The following LNPEP variants were observed in gnomAD, a reference collection of about 807,000 sequenced individuals.
LNPEP encodes the protein leucyl-cystinyl aminopeptidase.
In LNPEP, 64 loss-of-function variants were observed where a neutral mutation model predicts 120.6. The ratio of observed to expected loss-of-function variants is 0.53; its 90% confidence interval spans 0.43 to 0.65. The LOEUF (loss-of-function observed/expected upper bound fraction) is 0.65, where lower values mean the gene tolerates loss of function less well. Among genes scored for constraint, LNPEP ranks in the 30% least tolerant of loss-of-function variants. LNPEP has a pLI of 0.00. For missense variants in LNPEP, 1,057 were observed against 1,200.0 expected, an observed-to-expected ratio of 0.88 and a Z score of 1.76; for synonymous variants, 435 against 425.4, an observed-to-expected ratio of 1.02 and a Z score of -0.28.
intron 1 of LNPEP, among the ~76,000 whole-genome samples, chr5:96,966,173 A>G (rs1038043013): frequency 3.3e-5 from 5 of 152,012 alleles, no homozygotes; most frequent in African/African-American, 7.2e-5. Flanking sequence ...CTGCGATTAG[A>G]CTTCATAAAT....
Position 97,032,262 on chromosome 5 carries a change from G to A in LNPEP, c.*3729G>A, listed in dbSNP as rs1791484320. 1 of 152,052 alleles carries A rather than the reference G, an allele frequency of 6.6e-6. No homozygotes were observed. The highest frequency in any genetic ancestry group is 1.5e-5 in the Non-Finnish European group (1 of 67,996). The allele number at this position is 152,052 out of a possible 1,614,324, so 9.4% of individuals were successfully genotyped here. A position where few individuals can be genotyped will look rare whatever the true frequency, so the allele number is the denominator to read the frequency against. ...GCTTCCTTCCCCCTTCATCCCATTT[G>A]TATTTTTAAAAACTAAGTTATATAT... On this transcript the variant is annotated 3_prime_UTR_variant, in exon 18 of 18. Transcript: ENST00000231368.
chr5:96,941,848 A>C (rs1266222284), intron 1 of LNPEP, among the ~76,000 whole-genome samples: 1 of 152,222 alleles, frequency 6.6e-6, no homozygotes, highest in Non-Finnish European at 1.5e-5. Flanking sequence ...ATGAAGATGA[A>C]AGAAATGTGG....
chr5:96,940,465 C>T (rs1369067031), intron 1 of LNPEP, among the ~76,000 whole-genome samples: 4 of 150,146 alleles, frequency 2.7e-5, no homozygotes, highest in Admixed American at 2.0e-4. Flanking sequence ...CCCACAACCT[C>T]GTCATCAGAT....
At chr5:96,951,240 G>A (rs1789311898) in intron 1 of LNPEP, among the ~76,000 whole-genome samples, 3 of 141,884 alleles carry the variant, frequency 2.1e-5, no homozygotes, top group Non-Finnish European at 4.7e-5. Flanking sequence ...CACAATGGGG[G>A]TTAGTGCTTT....
intron 8 of LNPEP, among the ~76,000 whole-genome samples, chr5:97,002,053 C>T (rs1450462743): frequency 6.6e-6 from 1 of 152,098 alleles, no homozygotes; most frequent in Non-Finnish European, 1.5e-5. Context: ...GCAGGAGAAT[C>T]GCTTGAACCC....
intron 1 of LNPEP, among the ~76,000 whole-genome samples, chr5:96,974,373 C>T (rs1269840607): frequency 1.3e-5 from 2 of 152,282 alleles, no homozygotes; most frequent in Non-Finnish European, 2.9e-5. Flanking sequence ...GTCCTCCAGG[C>T]TTGGAGGGAG....
intron 1 of LNPEP, among the ~76,000 whole-genome samples, chr5:96,943,847 C>T (rs535040432): frequency 6.0e-4 from 92 of 152,296 alleles, no homozygotes; most frequent in African/African-American, 1.7e-3. Context: ...TACTCCTGGG[C>T]ATTCCACATA....
rs1296600730 is a variant in LNPEP at position 97,032,593 on chromosome 5, C to T, written c.*4060C>T. 1 of 152,084 alleles carries T rather than the reference C, an allele frequency of 6.6e-6. No homozygotes were observed. Among genetic ancestry groups the T allele is most frequent in the African/African-American group, 2.4e-5 (1 of 41,396 alleles). 9.4% of individuals were successfully genotyped at this position (152,084 alleles called of 1,614,324 possible). A position where few individuals can be genotyped will look rare whatever the true frequency, so the allele number is the denominator to read the frequency against. ...ATTTCATCTACCCTTCCCATTTTACCTGTATGGGCAGTAGCTACAGACTAG... is the reference window on the plus strand; with the variant it reads ...ATTTCATCTACCCTTCCCATTTTACTTGTATGGGCAGTAGCTACAGACTAG... On this transcript the variant is annotated 3_prime_UTR_variant, in exon 18 of 18. Transcript: ENST00000231368.
rs1400092889 is a variant in LNPEP, at chr5:96,979,880, G to A, written c.762G>A (p.Gly254=). ...TTGCCCCCGAAGCCCTTCTAGCAGG[G>A]CACAATTATACGTTGAAGATAGAGT... is the stretch of plus-strand genomic sequence containing the variant. ...AIVAPEALLA[G]HNYTLKIEYS... The change falls in exon 2 of 18, where the codon GGG becomes GGA. Residue 254 remains glycine (G), a synonymous_variant. Coordinates refer to ENST00000231368, the MANE Select transcript of LNPEP (RefSeq NM_005575.3). The A allele has an allele frequency of 1.9e-6, 3 of 1,613,888 alleles. No homozygotes were observed. Among genetic ancestry groups the A allele is most frequent in the Non-Finnish European group, 2.5e-6 (3 of 1,179,862 alleles).
chr5:96,961,974 C>G (rs1789618383), intron 1 of LNPEP, among the ~76,000 whole-genome samples: 1 of 152,118 alleles, frequency 6.6e-6, no homozygotes, highest in Non-Finnish European at 1.5e-5. Flanking sequence ...TTAGTTGAGA[C>G]ATCAGCCAAC....
chr5:96,944,257 A>G lies in LNPEP; in HGVS notation c.19+8083A>G, dbSNP rs559934192. 3.7e-4 allele frequency among the ~76,000 whole-genome samples: 57 copies of G among 152,310 alleles called. 1 individual carries two copies. In the South Asian group the frequency reaches 5.6e-3, roughly 15 times the overall value. On this transcript the variant is annotated intron_variant, in intron 1 of 17. Coordinates refer to ENST00000231368, the MANE Select transcript of LNPEP (RefSeq NM_005575.3). The stretch of plus-strand genomic sequence containing the variant: ...AACATCATTACATTGTCAATGAAAC[A>G]TTTCATTGTCAATGAAAAGAGTCAA...
chr5:97,008,101 G>A (rs1331354584), intron 11 of LNPEP, among the ~76,000 whole-genome samples: 2 of 152,066 alleles, frequency 1.3e-5, no homozygotes, highest in African/African-American at 2.4e-5. Flanking sequence ...AACTTTGAAT[G>A]AGCCGTAAAA....
chr5:96,953,761 A>G (rs1413690695), intron 1 of LNPEP, among the ~76,000 whole-genome samples: 3 of 152,218 alleles, frequency 2.0e-5, no homozygotes, highest in African/African-American at 7.2e-5. Context: ...ATTAATTTCT[A>G]AGAAGCAAAC....
intron 1 of LNPEP, among the ~76,000 whole-genome samples, chr5:96,953,778 A>G (rs1789377983): frequency 6.6e-6 from 1 of 152,168 alleles, no homozygotes; most frequent in Non-Finnish European, 1.5e-5. Flanking sequence ...AAACAAATCT[A>G]TGTCTTAGTT....
intron 11 of LNPEP, chr5:97,011,183 C>T: frequency 1.0e-6 from 1 of 985,304 alleles, no homozygotes; most frequent in Non-Finnish European, 1.2e-6. Flanking sequence ...GCAAGGGAGA[C>T]TTGGGTCTCT....
At chr5:96,943,887 T>G (rs1366024495) in intron 1 of LNPEP, among the ~76,000 whole-genome samples, 2 of 152,232 alleles carry the variant, frequency 1.3e-5, no homozygotes, top group African/African-American at 4.8e-5. Context: ...GAACCAGAAC[T>G]TGAATCAGTT....
At chr5:96,960,870 C>CA (rs903478920) in intron 1 of LNPEP, among the ~76,000 whole-genome samples, 9 of 131,342 alleles carry the variant, frequency 6.9e-5, no homozygotes, top group African/African-American at 1.9e-4. Flanking sequence ...AGAAATTTCT[C>CA]AAAAAATATG....
At chr5:96,984,258 A>G (rs1305729554) in intron 2 of LNPEP, among the ~76,000 whole-genome samples, 1 of 152,238 alleles carries the variant, frequency 6.6e-6, no homozygotes, top group Non-Finnish European at 1.5e-5. Context: ...TCCAGAGCTT[A>G]TATACCTTCT....
intron 7 of LNPEP, 65 bp downstream of exon 7, chr5:96,996,568 C>A: frequency 1.2e-6 from 1 of 861,246 alleles, no homozygotes; most frequent in South Asian, 1.4e-5. Context: ...ATCACATTTT[C>A]ATGTATTTTC....
Sources: allele counts gnomAD v4.1 joint callset (sites outside exome capture counted in the v4.1 genomes callset), GRCh38; gene constraint gnomAD v4.1.1; transcripts MANE v1.5; gene names NCBI Gene and HGNC (gene_info 2026-07-23, HGNC 2026-07-21).